PCDHA7: variants seen among roughly 807,000 people sequenced by gnomAD.
PCDHA7 encodes protocadherin alpha-7.
PCDHA7 carries 37 observed loss-of-function variants against 57.2 expected under a neutral mutation model. That is an observed-to-expected ratio of 0.65 (90% CI 0.50 to 0.85). The LOEUF (loss-of-function observed/expected upper bound fraction) is 0.85, where lower values mean the gene tolerates loss of function less well. Among genes scored for constraint, PCDHA7 ranks in the 40% least tolerant of loss-of-function variants. The probability of loss-of-function intolerance (pLI) is 0.00; values close to 1 mark genes in which losing one functional copy is unlikely to be tolerated. For synonymous variants in PCDHA7, 553 were observed against 558.8 expected (o/e 0.99, Z 0.15); for missense variants, 1,188 against 1,241.8 (o/e 0.96, Z 0.65).
At chr5:140,944,818 T>G (rs1490682721) in intron 1 of PCDHA7, among the ~76,000 whole-genome samples, 1 of 152,236 alleles carries the variant, frequency 6.6e-6, no homozygotes, top group East Asian at 1.9e-4. Context: ...CAGTGATCTT[T>G]GCCCCATAAT....
At chr5:140,851,185 A>G in intron 1 of PCDHA7, 4 of 1,237,652 alleles carry the variant, frequency 3.2e-6, no homozygotes, top group Non-Finnish European at 4.1e-6. Flanking sequence ...TTGAAAACCA[A>G]TTTAGTTGTT....
In PCDHA7 at chr5:140,982,477, C is replaced by G. The variant is rs782587733; in HGVS notation, c.2417C>G (p.Ser806Cys). ...SASLRAGMHS[S>C]VHLEEAGILR... ...TCTGGGTCTGTGTGTTTATTCAGCT[C>G]TGTGCACCTAGAGGAGGCTGGCATT... is the stretch of plus-strand genomic sequence containing the variant. Residue 806 changes from serine to cysteine, a missense_variant and splice_region_variant, in exon 3 of 4, where the codon TCT (serine) becomes TGT (cysteine). Coordinates refer to ENST00000525929, the MANE Select transcript of PCDHA7 (RefSeq NM_018910.3). 2 of 1,614,188 alleles carry G rather than the reference C, an allele frequency of 1.2e-6. No homozygotes were observed. Among genetic ancestry groups the G allele is most frequent in the Non-Finnish European group, 1.7e-6 (2 of 1,180,030 alleles).
intron 1 of PCDHA7, chr5:140,866,192 G>A (rs2049201997): frequency 6.6e-6 from 1 of 152,028 alleles, no homozygotes; most frequent in Non-Finnish European, 1.5e-5. Context: ...AGAAAACTGT[G>A]GTTTCCAATA....
chr5:140,939,280 C>T (rs985518425), intron 1 of PCDHA7, among the ~76,000 whole-genome samples: 1 of 152,064 alleles, frequency 6.6e-6, no homozygotes, highest in Non-Finnish European at 1.5e-5. Flanking sequence ...GCTGTGCCCT[C>T]GTGATCTAAT....
intron 1 of PCDHA7, chr5:140,850,086 C>T (rs2150466254): frequency 1.1e-5 from 17 of 1,596,424 alleles, no homozygotes; most frequent in African/African-American, 2.7e-5. Context: ...GCTGGAGCTG[C>T]TACAGTTCCA....
chr5:141,006,376 TAA>T (rs2098270900), intron 3 of PCDHA7, among the ~76,000 whole-genome samples: 1 of 151,996 alleles, frequency 6.6e-6, no homozygotes, highest in South Asian at 2.1e-4. Flanking sequence ...CACGCCCGGC[TAA>T]GTTTTTTCTA....
intron 1 of PCDHA7, among the ~76,000 whole-genome samples, chr5:140,896,063 G>A (rs531616608): frequency 1.4e-3 from 217 of 152,130 alleles, no homozygotes; most frequent in African/African-American, 4.7e-3. Flanking sequence ...CGCCTGCCTC[G>A]GCCTCCCAAC....
intron 1 of PCDHA7, among the ~76,000 whole-genome samples, chr5:140,897,778 TG>T (rs1385536315): frequency 6.6e-6 from 1 of 152,208 alleles, no homozygotes; most frequent in Non-Finnish European, 1.5e-5. Flanking sequence ...ACTTCCACAA[TG>T]GTTGAACTAG....
At chr5:140,892,927 C>G (rs1554185442) in intron 1 of PCDHA7, among the ~76,000 whole-genome samples, 1 of 152,152 alleles carries the variant, frequency 6.6e-6, no homozygotes, top group African/African-American at 2.4e-5. Context: ...CCTTCCCAGC[C>G]TCTGATAAGC....
intron 1 of PCDHA7, chr5:140,870,676 G>T: frequency 6.2e-7 from 1 of 1,612,702 alleles, no homozygotes. Flanking sequence ...GTTGGACCAC[G>T]AGGAGCTGGA....
intron 1 of PCDHA7, among the ~76,000 whole-genome samples, chr5:140,956,765 C>T (rs2095308216): frequency 6.6e-6 from 1 of 152,134 alleles, no homozygotes; most frequent in Non-Finnish European, 1.5e-5. Flanking sequence ...AGCTGTAAAT[C>T]TGTCTGGTCC....
chr5:140,953,542 A>G (rs2094901319), intron 1 of PCDHA7, among the ~76,000 whole-genome samples: 1 of 152,080 alleles, frequency 6.6e-6, no homozygotes, highest in Admixed American at 6.6e-5. Flanking sequence ...CTTCATGCTG[A>G]TTCTTTTCTC....
At chr5:140,968,795 A>G in intron 1 of PCDHA7, 2 of 1,614,210 alleles carry the variant, frequency 1.2e-6, no homozygotes, top group Non-Finnish European at 1.7e-6. Context: ...TGTGGCCATT[A>G]CAGTAGCTGT....
chr5:140,942,572 C>A (rs2093326271), intron 1 of PCDHA7, among the ~76,000 whole-genome samples: 1 of 151,292 alleles, frequency 6.6e-6, no homozygotes, highest in Non-Finnish European at 1.5e-5. Flanking sequence ...AAAAATCTTC[C>A]CATATAGGAT....
At chr5:140,861,665 C>T (rs2047014898) in intron 1 of PCDHA7, 1 of 258,604 alleles carries the variant, frequency 3.9e-6, no homozygotes, top group Admixed American at 4.5e-5. Context: ...AACGAGAGCT[C>T]TTGATTATCG....
At chr5:140,924,992 G>T (rs1383717650) in intron 1 of PCDHA7, among the ~76,000 whole-genome samples, 3 of 151,676 alleles carry the variant, frequency 2.0e-5, no homozygotes, top group African/African-American at 7.3e-5. Context: ...TGTAATCCTA[G>T]CACTTTAGGA....
intron 1 of PCDHA7, chr5:140,860,705 T>C (rs1444620274): frequency 6.6e-6 from 1 of 152,242 alleles, no homozygotes; most frequent in Non-Finnish European, 1.5e-5. Context: ...ATATTGTTGT[T>C]CTCCATGAAA....
At chr5:140,927,657 T>A (rs1161396429) in intron 1 of PCDHA7, 6 of 1,614,050 alleles carry the variant, frequency 3.7e-6, no homozygotes, top group Non-Finnish European at 5.1e-6. Flanking sequence ...TATTCCGAGT[T>A]CAAGCCTTGG....
Position 140,935,377 on chromosome 5 carries a change from C to T in PCDHA7, c.2356-43572C>T, listed in dbSNP as rs139207351. On this transcript the variant is annotated intron_variant, in intron 1 of 3. Coordinates refer to ENST00000525929, the MANE Select transcript of PCDHA7 (RefSeq NM_018910.3). ...GTTTTCATTAACGTCAACAGAATTA[C>T]TCATTTGTTATCCCACGGGACTCAA... is the stretch of plus-strand genomic sequence containing the variant. Among the ~76,000 whole-genome samples the T allele has an allele frequency of 1.3e-4, 20 of 152,332 alleles. No individual in the cohort carries two copies. In the East Asian group the frequency reaches 3.1e-3, roughly 23 times the overall value.
Sources: gnomAD v4.1 joint callset for allele counts (sites outside exome capture counted in the v4.1 genomes callset) on GRCh38, gnomAD v4.1.1 for gene constraint, MANE v1.5 for transcripts, NCBI Gene and HGNC (gene_info 2026-07-23, HGNC 2026-07-21) for gene names.